The following ABCA13 variants were observed in gnomAD, a reference collection of about 807,000 sequenced individuals.
The protein encoded by ABCA13 is ATP-binding cassette sub-family A member 13.
ABCA13 carries 476 observed loss-of-function variants against 478.7 expected under a neutral mutation model. The observed-to-expected ratio is 0.99, with a 90% CI of 0.92 to 1.07. The LOEUF (loss-of-function observed/expected upper bound fraction) is 1.07. Among genes scored for constraint, ABCA13 ranks in the 50% least tolerant of loss-of-function variants. The probability of loss-of-function intolerance (pLI) is 0.00; values close to 1 mark genes in which losing one functional copy is unlikely to be tolerated. For missense variants in ABCA13, 6,060 were observed against 5,910.6 expected (o/e 1.03, Z -0.83); for synonymous variants, 2,252 against 2,158.9 (o/e 1.04, Z -1.20).
chr7:48,608,173 G>A (rs1252937577), intron 58 of ABCA13, among the ~76,000 whole-genome samples: 2 of 152,210 alleles, frequency 1.3e-5, no homozygotes, highest in African/African-American at 2.4e-5. Context: ...AAGCCACCAT[G>A]CCCAGCCAGT....
intron 59 of ABCA13, among the ~76,000 whole-genome samples, chr7:48,641,565 C>G (rs1795103013): frequency 6.6e-6 from 1 of 152,206 alleles, no homozygotes; most frequent in African/African-American, 2.4e-5. Flanking sequence ...ACCAGACTTT[C>G]CAGGGTCAAA....
At chr7:48,501,063 G>C (rs79938552) in intron 48 of ABCA13, among the ~76,000 whole-genome samples, 1 of 152,070 alleles carries the variant, frequency 6.6e-6, no homozygotes, top group African/African-American at 2.4e-5. Flanking sequence ...CCAGTGCCCC[G>C]GTTTTCACCA....
In ABCA13 at chr7:48,273,187, C is replaced by G; in HGVS notation, c.3521C>G (p.Ser1174Cys). 1 of 1,613,680 alleles carries G rather than the reference C, an allele frequency of 6.2e-7. No homozygotes were observed. The highest frequency in any genetic ancestry group is 8.5e-7 in the Non-Finnish European group (1 of 1,179,758). Residue 1174 changes from serine to cysteine, a missense_variant, in exon 17 of 62, where the codon TCT (serine) becomes TGT (cysteine). By Grantham distance (112) the Ser-to-Cys change is moderately radical. Around this residue, in one of 3 missense-constraint regions of ABCA13, gnomAD observed 4,423 missense variants for 4,309.1 expected, o/e 1.03. Coordinates refer to ENST00000435803, the MANE Select transcript of ABCA13 (RefSeq NM_152701.5). ...LFKFDMNVFTSLHHGFTQLLD... is the reference protein window; with the variant it reads ...LFKFDMNVFTCLHHGFTQLLD... Reference sequence around the variant, plus strand: ...AAGTTTGACATGAATGTTTTCACATCTCTTCATCATGGTTTCACTCAGCTT... The same window carrying G: ...AAGTTTGACATGAATGTTTTCACATGTCTTCATCATGGTTTCACTCAGCTT...
Position 48,317,283 on chromosome 7 carries a change from AG to A in ABCA13, c.9988del (p.Val3330SerfsTer15). ...ACACCAAACACTCCAGAAATTAACA[AG>A]GTCATTCAAAAGGTAAGTTAAAATA... ...LYTPNTPEIN[K>X]VIQKANYTFY... On this transcript the variant is annotated frameshift_variant, in exon 27 of 62. Transcript: ENST00000435803. LOFTEE classifies it high-confidence loss of function. The A allele has an allele frequency of 6.2e-7, 1 of 1,613,246 alleles. No individual in the cohort carries two copies.
chr7:48,239,579 C>T (rs1021063956), intron 9 of ABCA13, among the ~76,000 whole-genome samples, 174 bp downstream of exon 9: 5 of 152,248 alleles, frequency 3.3e-5, no homozygotes, highest in Non-Finnish European at 7.3e-5. Flanking sequence ...TGTGCATCAA[C>T]TGGCTCCAGC....
chr7:48,410,977 C>CTCTCTCTT (rs1554499567), intron 40 of ABCA13, among the ~76,000 whole-genome samples: 36 of 104,698 alleles, frequency 3.4e-4, no homozygotes, highest in African/African-American at 1.0e-3. Flanking sequence ...AAATTCTTTT[C>CTCTCTCTT]TCTTTCTTTC....
intron 42 of ABCA13, among the ~76,000 whole-genome samples, chr7:48,435,879 G>T (rs1381525882): frequency 7.4e-5 from 11 of 149,114 alleles, no homozygotes; most frequent in African/African-American, 2.5e-4. Flanking sequence ...TTGTCATGAT[G>T]TGTAATCATT....
intron 27 of ABCA13, among the ~76,000 whole-genome samples, chr7:48,322,783 A>G (rs1182236988): frequency 1.3e-5 from 2 of 152,014 alleles, no homozygotes; most frequent in African/African-American, 4.8e-5. Flanking sequence ...CAGCTCTCAC[A>G]TTTGTCTGGA....
intron 59 of ABCA13, among the ~76,000 whole-genome samples, chr7:48,618,992 G>A (rs1339481289): frequency 6.6e-6 from 1 of 152,190 alleles, no homozygotes; most frequent in Non-Finnish European, 1.5e-5. Context: ...CACACTCCAG[G>A]ACTCACTGAG....
chr7:48,272,274 A>C lies in ABCA13; in HGVS notation c.2608A>C (p.Ser870Arg), dbSNP rs757208845. The change falls in exon 17 of 62, where the codon AGT (serine) becomes CGT (arginine). Residue 870 changes from serine (S) to arginine (R), a missense_variant. By Grantham distance (110) the Ser-to-Arg change is moderately radical. Transcript: ENST00000435803. The stretch of plus-strand genomic sequence containing the variant: ...TCCAGAAAATGAGATTCTGAGTACA[A>C]GTTTTAACTTTTCCCAGTTGTTCCA... Reference protein sequence around the residue: ...SVPENEILSTSFNFSQLFHSD... With the variant: ...SVPENEILSTRFNFSQLFHSD... 7 of 1,613,588 alleles carry C rather than the reference A, an allele frequency of 4.3e-6. No homozygotes were observed. The highest frequency in any genetic ancestry group is 5.9e-6 in the Non-Finnish European group (7 of 1,179,734).
At chr7:48,602,757 C>A (rs909132954) in intron 58 of ABCA13, among the ~76,000 whole-genome samples, 5 of 150,122 alleles carry the variant, frequency 3.3e-5, no homozygotes, top group African/African-American at 1.2e-4. Context: ...TTTTCCAATT[C>A]TGTGAAGAAA....
chr7:48,365,277 A>G (rs1197575168), intron 31 of ABCA13, among the ~76,000 whole-genome samples: 1 of 151,902 alleles, frequency 6.6e-6, no homozygotes, highest in African/African-American at 2.4e-5. Flanking sequence ...GTTTCTTGCT[A>G]TTGTATTTGT....
intron 43 of ABCA13, among the ~76,000 whole-genome samples, chr7:48,460,368 G>A (rs1486849942): frequency 6.6e-6 from 1 of 152,174 alleles, no homozygotes; most frequent in Non-Finnish European, 1.5e-5. Context: ...GGCTCCAGGG[G>A]AGAATCCTTC....
rs747805492 is a variant in ABCA13 at position 48,279,504 on chromosome 7, C to A, written c.8310C>A (p.Asn2770Lys). 1.2e-6 allele frequency: 2 copies of A among 1,613,068 alleles called. No homozygotes were observed. Among genetic ancestry groups the A allele is most frequent in the South Asian group, 2.2e-5 (2 of 90,954 alleles). Residue 2770 changes from asparagine (N) to lysine (K), a missense_variant, in exon 18 of 62, where the codon AAC becomes AAA. Asn to Lys is a moderately conservative substitution (Grantham distance 94). This residue lies in a region of ABCA13 where 4,423 missense variants were observed against 4,309.1 expected (regional missense o/e 1.03). Transcript: ENST00000435803. ...TGACATTTACTCAGCATCCAAATAA[C>A]CTTTTGAAAACCATAGAAACAGTTT... The part of the protein sequence containing the change: ...VLMTFTQHPN[N>K]LLKTIETVLE...
intron 59 of ABCA13, among the ~76,000 whole-genome samples, chr7:48,632,113 C>G (rs1794219621): frequency 6.6e-6 from 1 of 152,298 alleles, no homozygotes; most frequent in East Asian, 1.9e-4. Flanking sequence ...CATTGGCAAA[C>G]AGAGATAGAT....
chr7:48,495,541 A>G (rs1470348799), intron 48 of ABCA13, among the ~76,000 whole-genome samples: 1 of 152,220 alleles, frequency 6.6e-6, no homozygotes, highest in Middle Eastern at 3.2e-3. Context: ...TATGTCAATT[A>G]GATCCTGTTG....
intron 37 of ABCA13, 145 bp from the exon 38 acceptor site, chr7:48,391,776 C>CTTT (rs1183557435): frequency 2.8e-6 from 2 of 718,154 alleles, no homozygotes; most frequent in African/African-American, 1.9e-5. Context: ...CTACTCACAC[C>CTTT]TTTTAACTGA....
chr7:48,539,687 TA>T (rs1421526209), intron 55 of ABCA13, among the ~76,000 whole-genome samples: 2 of 152,212 alleles, frequency 1.3e-5, no homozygotes, highest in Non-Finnish European at 2.9e-5. Flanking sequence ...TTCCCTTTTT[TA>T]TTCTCTCGAC....
intron 44 of ABCA13, among the ~76,000 whole-genome samples, chr7:48,470,971 C>A (rs768148289): frequency 6.6e-6 from 1 of 152,050 alleles, no homozygotes; most frequent in East Asian, 1.9e-4. Context: ...AAGTATGGGA[C>A]TCATAAGGAA....
Sources: gnomAD v4.1 joint callset for allele counts (sites outside exome capture counted in the v4.1 genomes callset) on GRCh38, gnomAD v4.1.1 for gene constraint, gnomAD v4.1.1 regional missense constraint, MANE v1.5 for transcripts, NCBI Gene and HGNC (gene_info 2026-07-23, HGNC 2026-07-21) for gene names.